The following FMN2 variants were observed in gnomAD, a reference collection of about 807,000 sequenced individuals.
The protein encoded by FMN2 is formin-2.
Under a neutral mutation model 142.3 loss-of-function variants are expected in FMN2, and 51 were observed. The ratio of observed to expected loss-of-function variants is 0.36; its 90% CI spans 0.29 to 0.45. FMN2 has a LOEUF of 0.45. FMN2 is among the 20% of genes least tolerant of loss of function. The probability of loss-of-function intolerance (pLI) is 1.00; values close to 1 mark genes in which losing one functional copy is unlikely to be tolerated. For synonymous variants in FMN2, 882 were observed against 869.8 expected (o/e 1.01, Z -0.25); for missense variants, 1,936 against 2,122.8 (o/e 0.91, Z 1.73).
Position 240,170,786 on chromosome 1 carries a change from C to A in FMN2, c.1783-7135C>A, listed in dbSNP as rs1257109391. On this transcript the variant is annotated intron_variant, in intron 2 of 17. Coordinates refer to ENST00000319653, the MANE Select transcript of FMN2 (RefSeq NM_020066.5). ...TTTGGCCTGGGAGGAGTTGGATTGA[C>A]AGTTATCGTGGGCGGTAAAGTGGCT... 5.5e-6 allele frequency: 6 copies of A among 1,083,466 alleles called. No homozygotes were observed. In the Admixed American group the frequency reaches 1.0e-4, roughly 18 times the overall value. 67.1% of individuals were successfully genotyped at this position (1,083,466 alleles called of 1,614,324 possible).
At chr1:240,190,864 T>G (rs2103352682) in intron 4 of FMN2, among the ~76,000 whole-genome samples, 1 of 152,352 alleles carries the variant, frequency 6.6e-6, no homozygotes, top group Non-Finnish European at 1.5e-5. Flanking sequence ...TTACTAGAAC[T>G]TTGATGTGCT....
intron 4 of FMN2, among the ~76,000 whole-genome samples, chr1:240,195,323 G>GT (rs1665872087): frequency 1.3e-5 from 2 of 152,164 alleles, no homozygotes; most frequent in Non-Finnish European, 2.9e-5. Context: ...TTTTGTGGCT[G>GT]TTTTTTCATG....
chr1:240,440,494 A>G (rs528218058), intron 16 of FMN2, among the ~76,000 whole-genome samples: 134 of 151,874 alleles, frequency 8.8e-4, no homozygotes, highest in African/African-American at 3.0e-3. Context: ...AGCTAGATCC[A>G]TTTTTTTTGG....
chr1:240,194,096 A>G (rs1241108941), intron 4 of FMN2, among the ~76,000 whole-genome samples: 2 of 149,482 alleles, frequency 1.3e-5, no homozygotes, highest in African/African-American at 2.5e-5. Context: ...AGGATCCTTC[A>G]TATCTGTCTT....
intron 6 of FMN2, among the ~76,000 whole-genome samples, chr1:240,252,044 GATT>G (rs978323243): frequency 3.3e-5 from 5 of 152,136 alleles, no homozygotes; most frequent in African/African-American, 7.2e-5. Context: ...AAGTAGCTGG[GATT>G]ACAGACGCCC....
At chr1:240,211,464 C>T (rs760874738) in intron 6 of FMN2, among the ~76,000 whole-genome samples, 5 of 152,160 alleles carry the variant, frequency 3.3e-5, no homozygotes, top group African/African-American at 4.8e-5. Flanking sequence ...TTTGTAACAT[C>T]ATAATACATA....
intron 13 of FMN2, among the ~76,000 whole-genome samples, chr1:240,347,887 G>T (rs1671960851): frequency 6.6e-6 from 1 of 152,094 alleles, no homozygotes; most frequent in South Asian, 2.1e-4. Flanking sequence ...CTGTTTCATG[G>T]CTGCATAGTA....
At chr1:240,134,409 A>C (rs554428309) in intron 2 of FMN2, among the ~76,000 whole-genome samples, 3 of 152,080 alleles carry the variant, frequency 2.0e-5, no homozygotes, top group Non-Finnish European at 4.4e-5. Context: ...GGATCGCTTG[A>C]GCCCAGGAGT....
chr1:240,170,728 G>A (rs750846793), intron 2 of FMN2: 194 of 1,516,996 alleles, frequency 1.3e-4, no homozygotes, highest in Middle Eastern at 1.7e-4. Context: ...TGTGAACACT[G>A]TCAAGGTGGG....
intron 7 of FMN2, among the ~76,000 whole-genome samples, chr1:240,292,089 G>A (rs906182625): frequency 3.3e-5 from 5 of 152,130 alleles, no homozygotes; most frequent in South Asian, 2.1e-4. Flanking sequence ...AGTTTAGTTC[G>A]ATTCCATGTT....
intron 14 of FMN2, among the ~76,000 whole-genome samples, chr1:240,358,696 C>T (rs1035203892): frequency 1.2e-4 from 18 of 152,040 alleles, no homozygotes; most frequent in African/African-American, 4.3e-4. Context: ...GAACTCACTC[C>T]CTATCATAAG....
chr1:240,337,203 C>CTTTTTT (rs752506621), intron 13 of FMN2, among the ~76,000 whole-genome samples: 56 of 90,392 alleles, frequency 6.2e-4, no homozygotes, highest in East Asian at 1.0e-3. Context: ...TATTCCTTTT[C>CTTTTTT]TTTTTTTTTT....
chr1:240,333,349 T>C (rs1671443583), intron 11 of FMN2, among the ~76,000 whole-genome samples: 1 of 152,124 alleles, frequency 6.6e-6, no homozygotes, highest in African/African-American at 2.4e-5. Context: ...ATTATAATAT[T>C]GGAATTGTTA....
intron 2 of FMN2, among the ~76,000 whole-genome samples, chr1:240,154,133 T>C (rs1255686135): frequency 7.0e-5 from 4 of 56,808 alleles, no homozygotes; most frequent in South Asian, 9.2e-4. Context: ...AAAAAAAAAG[T>C]GTTACTACCT....
intron 2 of FMN2, among the ~76,000 whole-genome samples, chr1:240,158,941 T>C (rs1367761120): frequency 2.0e-5 from 3 of 152,182 alleles, no homozygotes; most frequent in Non-Finnish European, 2.9e-5. Flanking sequence ...ATAATATTTA[T>C]ATATAGTCTT....
At chr1:240,222,127 T>G (rs1667143654) in intron 6 of FMN2, among the ~76,000 whole-genome samples, 2 of 151,666 alleles carry the variant, frequency 1.3e-5, no homozygotes, top group African/African-American at 4.8e-5. Context: ...TTTTAGGTCT[T>G]GTGTTTAAGT....
At chr1:240,276,866 G>A (rs11584262) in intron 7 of FMN2, among the ~76,000 whole-genome samples, 9,938 of 152,180 alleles carry the variant, frequency 0.065, 333 homozygotes, top group East Asian at 0.12. Flanking sequence ...TCTATTTTTC[G>A]AGGCTCTGCC....
intron 1 of FMN2, among the ~76,000 whole-genome samples, 177 bp downstream of exon 1, chr1:240,093,901 A>G (rs1325779500): frequency 1.3e-5 from 2 of 152,186 alleles, no homozygotes; most frequent in African/African-American, 2.4e-5. Context: ...AATGACTTGG[A>G]CATACTTGTT....
intron 4 of FMN2, among the ~76,000 whole-genome samples, chr1:240,199,633 A>G (rs1311638271): frequency 6.6e-6 from 1 of 152,212 alleles, no homozygotes; most frequent in African/African-American, 2.4e-5. Flanking sequence ...AAGATTATAC[A>G]GGAATGGAGG....
Sources: gnomAD v4.1 joint callset for allele counts (sites outside exome capture counted in the v4.1 genomes callset) on GRCh38, gnomAD v4.1.1 for gene constraint, MANE v1.5 for transcripts, NCBI Gene and HGNC (gene_info 2026-07-23, HGNC 2026-07-21) for gene names.